DNAH6: variants seen among roughly 807,000 people sequenced by gnomAD.
The protein encoded by DNAH6 is dynein axonemal heavy chain 6, also known as axonemal beta dynein heavy chain 6.
Under a neutral mutation model 491.4 loss-of-function variants are expected in DNAH6, and 340 were observed. That is an observed-to-expected ratio of 0.69 (90% confidence interval 0.63 to 0.76). DNAH6 has a LOEUF of 0.76. Among genes scored for constraint, DNAH6 ranks in the 30% least tolerant of loss-of-function variants. The pLI, the probability that DNAH6 is intolerant of heterozygous loss-of-function variation, is 0.00. For synonymous variants in DNAH6, 1,603 were observed against 1,686.1 expected, an observed-to-expected ratio of 0.95 and a Z score of 1.21; for missense variants, 4,443 against 4,972.2, an observed-to-expected ratio of 0.89 and a Z score of 3.20.
At chr2:84,653,996 C>G in intron 34 of DNAH6, 122 bp downstream of exon 34, 1 of 788,452 alleles carries the variant, frequency 1.3e-6, no homozygotes, top group Non-Finnish European at 1.9e-6. Flanking sequence ...GTTCTGTTTA[C>G]TTACTTATTA....
At chr2:84,680,383 A>T (rs1693668012) in intron 41 of DNAH6, among the ~76,000 whole-genome samples, 1 of 152,180 alleles carries the variant, frequency 6.6e-6, no homozygotes, top group Non-Finnish European at 1.5e-5. Context: ...CTAGCTAATA[A>T]ATACACATGT....
the DNAH6 span, among the ~76,000 whole-genome samples, chr2:84,504,911 G>A: frequency 6.6e-6 from 1 of 152,144 alleles, no homozygotes; most frequent in African/African-American, 2.4e-5. Context: ...GTTGTAGTTT[G>A]GACAGGGATT....
chr2:84,599,877 G>A (rs1225518046), intron 18 of DNAH6, among the ~76,000 whole-genome samples: 2 of 151,888 alleles, frequency 1.3e-5, no homozygotes, highest in African/African-American at 4.8e-5. Context: ...TTTATATTTA[G>A]CTTCTCAATA....
At chr2:84,479,400 G>A in the DNAH6 span, among the ~76,000 whole-genome samples, 1 of 152,152 alleles carries the variant, frequency 6.6e-6, no homozygotes. Flanking sequence ...CCACTTCTCT[G>A]AACTTCTGAA....
At chr2:84,574,705 C>T (rs1055197823) in intron 12 of DNAH6, among the ~76,000 whole-genome samples, 1 of 152,150 alleles carries the variant, frequency 6.6e-6, no homozygotes, top group East Asian at 1.9e-4. Flanking sequence ...CCGACAGGGA[C>T]GTGAGGACAT....
chr2:84,785,359 G>A (rs1341846732), intron 66 of DNAH6, among the ~76,000 whole-genome samples: 1 of 152,184 alleles, frequency 6.6e-6, no homozygotes, highest in Non-Finnish European at 1.5e-5. Flanking sequence ...GACACTAAAT[G>A]GAAGTGTCTG....
intron 35 of DNAH6, among the ~76,000 whole-genome samples, chr2:84,656,446 G>A (rs536528248): frequency 1.3e-5 from 2 of 152,208 alleles, no homozygotes; most frequent in African/African-American, 4.8e-5. Context: ...ATCCTTGCCA[G>A]CATTTGGCAT....
intron 55 of DNAH6, 86 bp downstream of exon 55, chr2:84,709,632 G>A: frequency 1.1e-5 from 16 of 1,402,154 alleles, no homozygotes; most frequent in Non-Finnish European, 1.6e-5. Flanking sequence ...GGGCCTCAAT[G>A]TACTTGGAGA....
intron 4 of DNAH6, among the ~76,000 whole-genome samples, chr2:84,531,939 A>G: frequency 6.6e-6 from 1 of 152,144 alleles, no homozygotes; most frequent in East Asian, 1.9e-4. Flanking sequence ...GTGGAAACTG[A>G]TGGAAAGTGG....
chr2:84,611,696 G>T lies in DNAH6; in HGVS notation c.3317G>T (p.Arg1106Ile), dbSNP rs1267539240. ...TAGGAAGAGTGGCTGACCTGCCAGA[G>T]AAACTGGCTCTACCTAGAAAGTATT... ...QTLEEWLTCQ[R>I]NWLYLESIFN... Residue 1106 changes from arginine (R) to isoleucine (I), a missense_variant, in exon 22 of 77, where the codon AGA becomes ATA. Physicochemically the swap from Arg to Ile is moderately conservative, Grantham distance 97. Coordinates refer to ENST00000389394, the MANE Select transcript of DNAH6 (RefSeq NM_001370.2). 10 of 1,550,646 alleles carry T rather than the reference G, an allele frequency of 6.4e-6. No individual in the cohort carries two copies.
intron 64 of DNAH6, among the ~76,000 whole-genome samples, chr2:84,778,759 G>A (rs1278210691): frequency 1.3e-5 from 2 of 152,136 alleles, no homozygotes; most frequent in Non-Finnish European, 2.9e-5. Flanking sequence ...GCCTCCCAAA[G>A]TGCTGGGATT....
chr2:84,675,318 C>T (rs536997544), intron 40 of DNAH6, among the ~76,000 whole-genome samples: 2 of 152,212 alleles, frequency 1.3e-5, no homozygotes, highest in South Asian at 2.1e-4. Context: ...TATAGTAAGC[C>T]GTTGTTTATT....
chr2:84,745,982 A>T (rs1388787198), intron 63 of DNAH6, among the ~76,000 whole-genome samples: 1 of 152,170 alleles, frequency 6.6e-6, no homozygotes, highest in Non-Finnish European at 1.5e-5. Flanking sequence ...GATTAGAGAG[A>T]TGAAGGGGGG....
At chr2:84,545,486 A>G (rs528171190) in intron 5 of DNAH6, among the ~76,000 whole-genome samples, 2 of 152,176 alleles carry the variant, frequency 1.3e-5, no homozygotes, top group African/African-American at 4.8e-5. Flanking sequence ...GTTGCTAGGT[A>G]TGTAAAATAG....
chr2:84,497,390 C>A, the DNAH6 span, among the ~76,000 whole-genome samples: 1 of 152,048 alleles, frequency 6.6e-6, no homozygotes, highest in South Asian at 2.1e-4. Flanking sequence ...AGAAGTATTA[C>A]AAATAAAGCT....
chr2:84,480,491 C>T, the DNAH6 span, among the ~76,000 whole-genome samples: 1 of 152,138 alleles, frequency 6.6e-6, no homozygotes, highest in African/African-American at 2.4e-5. Context: ...AATAATAGTA[C>T]CTACCTCATA....
intron 33 of DNAH6, among the ~76,000 whole-genome samples, chr2:84,651,906 G>A (rs555741320): frequency 6.7e-5 from 10 of 150,116 alleles, no homozygotes; most frequent in South Asian, 2.1e-4. Context: ...TTTTCAATTC[G>A]TTATATATCT....
At chr2:84,806,487 C>T (rs772139305) in intron 71 of DNAH6, among the ~76,000 whole-genome samples, 29 of 151,836 alleles carry the variant, frequency 1.9e-4, no homozygotes, top group Non-Finnish European at 4.0e-4. Flanking sequence ...GGCGTGGTGG[C>T]GGTCGCCTGT....
rs1031328855 is a variant in DNAH6 at position 84,658,416 on chromosome 2, C to T, written c.5882C>T (p.Thr1961Ile). Residue 1961 changes from threonine to isoleucine, a missense_variant, in exon 36 of 77, where the codon ACA (threonine) becomes ATA (isoleucine). By Grantham distance (89) the Thr-to-Ile change is moderately conservative (BLOSUM62 -1). This residue lies in a region of DNAH6 where 2,977 missense variants were observed against 3,296.6 expected (regional missense o/e 0.90). Transcript: ENST00000389394. Reference protein sequence around the residue: ...IPQVDISKVTTLCCLLESLIL... With the variant: ...IPQVDISKVTILCCLLESLIL... ...CAAGTGGACATCAGCAAAGTTACTA[C>T]ACTCTGTTGCTTATTGGAGTCCTTG... 1 of 1,547,252 alleles carries T rather than the reference C, an allele frequency of 6.5e-7. No individual in the cohort carries two copies. Among genetic ancestry groups the T allele is most frequent in the African/African-American group, 1.4e-5 (1 of 72,818 alleles).
Sources: gnomAD v4.1 joint callset for allele counts (sites outside exome capture counted in the v4.1 genomes callset) on GRCh38, gnomAD v4.1.1 for gene constraint, gnomAD v4.1.1 regional missense constraint, MANE v1.5 for transcripts, NCBI Gene and HGNC (gene_info 2026-07-23, HGNC 2026-07-21) for gene names.